The following DIP2C variants were observed in gnomAD, a reference collection of about 807,000 sequenced individuals.
The protein encoded by DIP2C is DIP2 acetate--CoA ligase C (putative), also known as disco-interacting protein 2 homolog C.
A neutral mutation model predicts 192.4 loss-of-function variants in DIP2C; 33 were observed. That is an observed-to-expected ratio of 0.17 (90% CI 0.13 to 0.23). The LOEUF is 0.23. Ranked by LOEUF, DIP2C falls within the 10% of genes least tolerant of loss-of-function variation. DIP2C has a pLI of 1.00. For missense variants in DIP2C, 1,537 were observed against 2,110.1 expected (o/e 0.73, Z 5.32); for synonymous variants, 979 against 864.1 (o/e 1.13, Z -2.33).
intron 1 of DIP2C, among the ~76,000 whole-genome samples, chr10:574,739 T>C (rs746356092): frequency 3.9e-5 from 6 of 152,178 alleles, no homozygotes; most frequent in Non-Finnish European, 8.8e-5. Context: ...CCATGGTACA[T>C]AATATTTCCA....
chr10:505,148 G>A (rs527462769), intron 1 of DIP2C, among the ~76,000 whole-genome samples: 2 of 152,256 alleles, frequency 1.3e-5, no homozygotes, highest in East Asian at 3.9e-4. Context: ...ACAGAAAACG[G>A]CAACGGGTCC....
chr10:349,986 TACAA>T (rs777526940), intron 24 of DIP2C, among the ~76,000 whole-genome samples: 13 of 152,360 alleles, frequency 8.5e-5, no homozygotes, highest in South Asian at 4.1e-4. Flanking sequence ...GACTTTAATG[TACAA>T]ACAAATAGAA....
At chr10:590,057 A>C (rs1820265767) in intron 1 of DIP2C, among the ~76,000 whole-genome samples, 1 of 152,230 alleles carries the variant, frequency 6.6e-6, no homozygotes. Flanking sequence ...TCCACATCAC[A>C]CAGGGCCTGT....
intron 1 of DIP2C, among the ~76,000 whole-genome samples, chr10:545,377 A>T (rs559960967): frequency 1.3e-5 from 2 of 151,870 alleles, no homozygotes; most frequent in African/African-American, 4.8e-5. Flanking sequence ...GCTGATCTGT[A>T]ACTCCTGACC....
intron 31 of DIP2C, chr10:324,721 A>AT (rs1401854009): frequency 3.3e-6 from 1 of 300,144 alleles, no homozygotes; most frequent in African/African-American, 2.2e-5. Flanking sequence ...CCTATTAAGA[A>AT]TACAGAACCG....
At chr10:502,893 T>C (rs1015887493) in intron 1 of DIP2C, among the ~76,000 whole-genome samples, 7 of 152,156 alleles carry the variant, frequency 4.6e-5, no homozygotes, top group African/African-American at 2.4e-5. Flanking sequence ...TCTCTCCACG[T>C]TGACCAACAG....
rs745552036 is a variant in DIP2C, at chr10:341,216, G to A, written c.3567C>T (p.Val1189=). ...CLDPYCGLGF[V]LWCLCSVYSG... is the part of the protein sequence containing the mutation. ...CATCTTACCTGCAGAGGCACCAGAG[G>A]ACAAATCCCAGTCCACAGTAAGGGT... The change falls in exon 29 of 37, where the codon GTC becomes GTT. Residue 1189 remains valine, a synonymous_variant. Transcript: ENST00000280886. The A allele has an allele frequency of 3.1e-6, 5 of 1,614,156 alleles. No homozygotes were observed. The Admixed American group carries it at 5.0e-5, about 16-fold the overall frequency.
intron 1 of DIP2C, among the ~76,000 whole-genome samples, chr10:532,609 G>A (rs1847447064): frequency 7.3e-6 from 1 of 137,420 alleles, no homozygotes; most frequent in Admixed American, 7.2e-5. Context: ...GAGAGAGTAT[G>A]GGTGTGAGAG....
rs11252725 is a variant in DIP2C at position 490,056 on chromosome 10, A to G, written c.86-3526T>C. 4.4e-3 allele frequency among the ~76,000 whole-genome samples: 112 copies of G among 25,518 alleles called. 18 individuals are homozygous for G. Among genetic ancestry groups the G allele is most frequent in the Non-Finnish European group, 6.5e-3 (62 of 9,518 alleles). The allele number at this position is 25,518 out of a possible 152,430, so 16.7% of individuals were successfully genotyped here. A position where few individuals can be genotyped will look rare whatever the true frequency, so the allele number is the denominator to read the frequency against. On this transcript the variant is annotated intron_variant, in intron 1 of 36. Transcript: ENST00000280886. ...ACACTAGGGACACGGTGGCTCTGAC[A>G]GTGCCCGGGGCTTCCTCCATTTCAC...
At chr10:576,419 G>A (rs1439787382) in intron 1 of DIP2C, among the ~76,000 whole-genome samples, 2 of 152,216 alleles carry the variant, frequency 1.3e-5, no homozygotes. Flanking sequence ...TGGGACAGCA[G>A]TAACTGCCCA....
intron 1 of DIP2C, among the ~76,000 whole-genome samples, chr10:672,475 G>T (rs1030294772): frequency 2.0e-5 from 3 of 152,230 alleles, no homozygotes; most frequent in African/African-American, 7.2e-5. Flanking sequence ...CACCCCAGAG[G>T]CGAGGCTGGG....
At chr10:320,759 CACTA>C (rs1378262092) in intron 31 of DIP2C, among the ~76,000 whole-genome samples, 2 of 152,128 alleles carry the variant, frequency 1.3e-5, no homozygotes, top group East Asian at 1.9e-4. Flanking sequence ...TCTCTACAAA[CACTA>C]ACAACAACAA....
chr10:621,406 G>A (rs1221679597), intron 1 of DIP2C, among the ~76,000 whole-genome samples: 1 of 146,380 alleles, frequency 6.8e-6, no homozygotes, highest in East Asian at 2.0e-4. Flanking sequence ...CACACACTAT[G>A]TGCTCACGAG....
rs80118712 is a variant in DIP2C at position 377,970 on chromosome 10, A to T, written c.1991+4677T>A. On this transcript the variant is annotated intron_variant, in intron 17 of 36. Transcript: ENST00000280886. The stretch of plus-strand genomic sequence containing the variant: ...CAGTTCAATAAACATTTCACAACGT[A>T]GCTTTAAGAAAATCAAGTCTATCAT... 6.1e-3 allele frequency among the ~76,000 whole-genome samples: 925 copies of T among 152,308 alleles called. 4 individuals carry two copies. The highest frequency in any genetic ancestry group is 0.014 in the Middle Eastern group (4 of 294).
intron 1 of DIP2C, among the ~76,000 whole-genome samples, chr10:626,603 A>G (rs1407859740): frequency 1.3e-5 from 2 of 151,504 alleles, no homozygotes; most frequent in Non-Finnish European, 2.9e-5. Context: ...TTCCCTTTTC[A>G]AGAGGCTCAG....
At chr10:435,585 T>TA (rs930891344) in intron 4 of DIP2C, among the ~76,000 whole-genome samples, 11 of 152,322 alleles carry the variant, frequency 7.2e-5, no homozygotes, top group African/African-American at 2.2e-4. Context: ...GATTCTCCAC[T>TA]TCACCTGTCC....
intron 2 of DIP2C, among the ~76,000 whole-genome samples, chr10:477,929 GGGAA>G (rs1564762982): frequency 9.4e-6 from 1 of 106,322 alleles, no homozygotes; most frequent in African/African-American, 4.0e-5. Flanking sequence ...GGAAAAGAGA[GGGAA>G]AGAAGGAAGG....
intron 23 of DIP2C, among the ~76,000 whole-genome samples, chr10:357,484 C>G (rs867700752): frequency 6.6e-6 from 1 of 152,214 alleles, no homozygotes; most frequent in Non-Finnish European, 1.5e-5. Context: ...TCCTGCGAGT[C>G]GTGGGACTGG....
In DIP2C at chr10:390,322, G is replaced by A. The variant is rs759280566; in HGVS notation, c.1436C>T (p.Pro479Leu). The part of the protein sequence containing the change: ...FVTESKHLSK[P>L]PRDWFPHIKD... ...AATGTGTGGGAACCAGTCTCGGGGC[G>A]GTTTGGAGAGATGTTTAGACTCTGT... is the stretch of plus-strand genomic sequence containing the variant. The change falls in exon 12 of 37, where the codon CCG becomes CTG. Residue 479 changes from proline (P) to leucine (L), a missense_variant. By Grantham distance (98) the Pro-to-Leu change is moderately conservative. Transcript: ENST00000280886. 1.4e-5 allele frequency: 23 copies of A among 1,613,770 alleles called. No individual in the cohort carries two copies. The highest frequency in any genetic ancestry group is 1.6e-4 in the Middle Eastern group (1 of 6,084).
Sources: allele counts gnomAD v4.1 joint callset (sites outside exome capture counted in the v4.1 genomes callset), GRCh38; gene constraint gnomAD v4.1.1; transcripts MANE v1.5; gene names NCBI Gene and HGNC (gene_info 2026-07-23, HGNC 2026-07-21).